Variants in ITSN2 observed in about 807,000 individuals in gnomAD.
ITSN2 encodes the protein intersectin 2.
Under a neutral mutation model 243.7 loss-of-function variants are expected in ITSN2, and 156 were observed. That is an observed-to-expected ratio of 0.64 (90% CI 0.56 to 0.73). The LOEUF (loss-of-function observed/expected upper bound fraction) is 0.73, where lower values mean the gene tolerates loss of function less well. ITSN2 is among the 30% of genes least tolerant of loss of function. The pLI is 0.00. For synonymous variants in ITSN2, 703 were observed against 699.9 expected, an observed-to-expected ratio of 1.00 and a Z score of -0.07; for missense variants, 1,801 against 1,996.1, an observed-to-expected ratio of 0.90 and a Z score of 1.86.
chr2:24,312,852 C>G (rs1333890608), intron 4 of ITSN2, among the ~76,000 whole-genome samples: 1 of 151,880 alleles, frequency 6.6e-6, no homozygotes, highest in African/African-American at 2.4e-5. Flanking sequence ...GCAGGGGAAG[C>G]GAGGACTAAT....
At chr2:24,263,921 G>T (rs192034399) in intron 20 of ITSN2, among the ~76,000 whole-genome samples, 1 of 152,262 alleles carries the variant, frequency 6.6e-6, no homozygotes, top group East Asian at 1.9e-4. Flanking sequence ...ACCTAAGAGT[G>T]GAATGGCTGA....
intron 15 of ITSN2, among the ~76,000 whole-genome samples, chr2:24,289,311 C>T (rs1278558992): frequency 6.6e-6 from 1 of 152,102 alleles, no homozygotes; most frequent in Non-Finnish European, 1.5e-5. Flanking sequence ...TTTTCAGTTA[C>T]AGATCTTTCC....
At chr2:24,273,484 ATCAGAGTACTTAGCACATAT>A (rs1677632019) in intron 18 of ITSN2, 1 of 152,234 alleles carries the variant, frequency 6.6e-6, no homozygotes, top group Admixed American at 6.5e-5. Context: ...AAATATCACT[ATCAGAGTACTTAGCACATAT>A]TTAGCACAAC....
chr2:24,237,847 T>C (rs1412263357), intron 29 of ITSN2, among the ~76,000 whole-genome samples: 1 of 152,214 alleles, frequency 6.6e-6, no homozygotes, highest in Non-Finnish European at 1.5e-5. Context: ...ATTAGGACCC[T>C]GGAAACTATA....
chr2:24,218,289 T>A (rs1037965939), intron 30 of ITSN2, among the ~76,000 whole-genome samples: 16 of 152,176 alleles, frequency 1.1e-4, no homozygotes, highest in African/African-American at 3.4e-4. Flanking sequence ...CTCTTAGGGA[T>A]GTTATGAAGG....
At chr2:24,257,796 G>A (rs1675257308) in intron 23 of ITSN2, 92 bp downstream of exon 23, 3 of 1,011,592 alleles carry the variant, frequency 3.0e-6, no homozygotes, top group African/African-American at 3.2e-5. Flanking sequence ...GTATAAAATT[G>A]TTATTTTATT....
At chr2:24,246,649 A>C (rs935979357) in intron 28 of ITSN2, 148 bp downstream of exon 28, 6 of 603,018 alleles carry the variant, frequency 9.9e-6, no homozygotes, top group African/African-American at 1.9e-5. Context: ...ACTTTTCAGA[A>C]AGGAAATTCT....
At chr2:24,334,127 C>T in intron 1 of ITSN2, among the ~76,000 whole-genome samples, 1 of 151,890 alleles carries the variant, frequency 6.6e-6, no homozygotes, top group Admixed American at 6.6e-5. Context: ...TGTGCGATCT[C>T]AGCTCACTGC....
At chr2:24,348,527 A>C (rs983745882) in intron 1 of ITSN2, among the ~76,000 whole-genome samples, 1 of 152,184 alleles carries the variant, frequency 6.6e-6, no homozygotes, top group Admixed American at 6.5e-5. Flanking sequence ...AAACAATAAT[A>C]AATAACAAGT....
chr2:24,299,264 T>C (rs1285264428), intron 12 of ITSN2, among the ~76,000 whole-genome samples: 2 of 152,122 alleles, frequency 1.3e-5, no homozygotes, highest in African/African-American at 4.8e-5. Flanking sequence ...CATCCTTTTG[T>C]TACAGTCATT....
chr2:24,293,670 C>CA lies in ITSN2; in HGVS notation c.1723+17dup, dbSNP rs1447904012. 3 of 865,688 alleles carry CA rather than the reference C, an allele frequency of 3.5e-6. No homozygotes were observed. Among genetic ancestry groups the CA allele is most frequent in the Non-Finnish European group, 5.5e-6 (3 of 549,684 alleles). The allele number at this position is 865,688 out of a possible 1,614,324, so 53.6% of individuals were successfully genotyped here. ...TCAGAAAAGGATAAAAGTAATCAGA[C>CA]AAACCTTAGAGACTTACCAGGTGTG... On this transcript the variant is annotated intron_variant, in intron 15 of 39. Transcript: ENST00000355123.
At chr2:24,208,372 C>G in intron 36 of ITSN2, 53 bp from the exon 37 acceptor site, 1 of 1,344,934 alleles carries the variant, frequency 7.4e-7, no homozygotes, top group Non-Finnish European at 1.1e-6. Flanking sequence ...CACAGGTCAG[C>G]GTGGAGCCCC....
intron 2 of ITSN2, among the ~76,000 whole-genome samples, chr2:24,324,263 AT>A (rs1684913443): frequency 6.6e-6 from 1 of 151,858 alleles, no homozygotes; most frequent in East Asian, 1.9e-4. Context: ...ATTAAATTAA[AT>A]TTTTTTTAAA....
chr2:24,216,292 TG>T, intron 31 of ITSN2, 60 bp from the exon 32 acceptor site: 1 of 1,374,342 alleles, frequency 7.3e-7, no homozygotes, highest in East Asian at 2.5e-5. Flanking sequence ...AATTAAAGGA[TG>T]AATCCCATGG....
At chr2:24,337,339 T>TATATATATATATATATAC (rs1159743662) in intron 1 of ITSN2, among the ~76,000 whole-genome samples, 9 of 113,274 alleles carry the variant, frequency 7.9e-5, no homozygotes, top group Non-Finnish European at 1.1e-4. Flanking sequence ...TATATATATA[T>TATATATATATATATATAC]ATATATATAT....
At chr2:24,327,739 T>A (rs946540688) in intron 2 of ITSN2, among the ~76,000 whole-genome samples, 1 of 152,240 alleles carries the variant, frequency 6.6e-6, no homozygotes, top group African/African-American at 2.4e-5. Context: ...CATGTTATGT[T>A]ATCAAAATAC....
intron 2 of ITSN2, among the ~76,000 whole-genome samples, chr2:24,317,975 T>A (rs567272666): frequency 6.6e-6 from 1 of 152,258 alleles, no homozygotes; most frequent in Admixed American, 6.5e-5. Context: ...TAGAGCAGTT[T>A]TAGGTTCACG....
In ITSN2 at chr2:24,299,046, TC is replaced by T. The variant is rs1309920504; in HGVS notation, c.1345-233del. 2.0e-5 allele frequency among the ~76,000 whole-genome samples: 3 copies of T among 149,422 alleles called. No individual in the cohort carries two copies. In the East Asian group the frequency reaches 5.9e-4, roughly 29 times the overall value. ...GAGATCTTTTTTTTTTTTTTTTTTT[TC>T]CAGACAGCATCTTGCTCTGTCACCC... On this transcript the variant is annotated intron_variant, in intron 12 of 39. Transcript: ENST00000355123.
intron 29 of ITSN2, among the ~76,000 whole-genome samples, chr2:24,244,371 C>T (rs1448432005): frequency 6.6e-6 from 1 of 152,124 alleles, no homozygotes; most frequent in Non-Finnish European, 1.5e-5. Flanking sequence ...AGGTATAAGA[C>T]CTGGGGCCAT....
Sources: gnomAD v4.1 joint callset for allele counts (sites outside exome capture counted in the v4.1 genomes callset) on GRCh38, gnomAD v4.1.1 for gene constraint, MANE v1.5 for transcripts, NCBI Gene and HGNC (gene_info 2026-07-23, HGNC 2026-07-21) for gene names.